Variants in LARP4 observed in about 807,000 individuals in gnomAD.
LARP4 encodes La ribonucleoprotein 4, also known as la-related protein 4.
LARP4 carries 29 observed loss-of-function variants against 92.9 expected under a neutral mutation model. The ratio of observed to expected loss-of-function variants is 0.31; its 90% CI spans 0.23 to 0.43. The LOEUF is 0.43. LARP4 is among the 20% of genes least tolerant of loss of function. LARP4 has a pLI of 1.00. For synonymous variants in LARP4, 279 were observed against 284.1 expected (o/e 0.98, Z 0.18); for missense variants, 732 against 860.0 (o/e 0.85, Z 1.86).
intron 1 of LARP4, among the ~76,000 whole-genome samples, chr12:50,403,339 G>A (rs574671249): frequency 1.2e-3 from 176 of 152,174 alleles, no homozygotes; most frequent in Non-Finnish European, 2.2e-3. Flanking sequence ...TTCTTTAAAT[G>A]TTAATGGCAG....
chr12:50,463,418 TCCAAAAAA>T lies in LARP4; in HGVS notation c.1383+789_1383+796del, dbSNP rs1460668668. Among the ~76,000 whole-genome samples, 98 of 32,218 alleles carry T rather than the reference TCCAAAAAA, an allele frequency of 3.0e-3. 2 individuals carry two copies. Among genetic ancestry groups the T allele is most frequent in the South Asian group, 0.027 (19 of 706 alleles). The allele number at this position is 32,218 out of a possible 152,430, so 21.1% of individuals were successfully genotyped here. ...GGGCAAGGTGATGAAACCCCATCTC[TCCAAAAAA>T]AAAAAAAAAAAAAAAAAAAAAATTA... On this transcript the variant is annotated intron_variant, in intron 12 of 15. Coordinates refer to ENST00000398473, the MANE Select transcript of LARP4 (RefSeq NM_052879.5).
In LARP4 at chr12:50,437,852, A is replaced by C. The variant is rs764777918; in HGVS notation, c.639+14A>C. 2.8e-6 allele frequency: 4 copies of C among 1,411,486 alleles called. No homozygotes were observed. In the South Asian group the frequency reaches 4.7e-5, roughly 17 times the overall value. 87.4% of individuals were successfully genotyped at this position (1,411,486 alleles called of 1,614,324 possible). Reference sequence around the variant, plus strand: ...ACACCAATAGAGGTAAATTATTAATAATTGTTAACACTAAATGTTCTCTGT... The same window carrying C: ...ACACCAATAGAGGTAAATTATTAATCATTGTTAACACTAAATGTTCTCTGT... On this transcript the variant is annotated intron_variant, in intron 6 of 15. Transcript: ENST00000398473.
chr12:50,416,460 G>C (rs1298646202), intron 1 of LARP4: 1 of 152,180 alleles, frequency 6.6e-6, no homozygotes, highest in Admixed American at 6.6e-5. Flanking sequence ...AAGCTTGTGA[G>C]TTTGAGACCA....
At chr12:50,441,672 G>C (rs753641738) in intron 8 of LARP4, 29 bp downstream of exon 8, 1 of 1,522,848 alleles carries the variant, frequency 6.6e-7, no homozygotes, top group Admixed American at 1.9e-5. Flanking sequence ...TGTGAAACCA[G>C]AACAGGTTTT....
intron 5 of LARP4, among the ~76,000 whole-genome samples, chr12:50,435,980 T>C (rs1468510056): frequency 1.5e-5 from 1 of 68,696 alleles, no homozygotes; most frequent in Non-Finnish European, 4.0e-5. Flanking sequence ...GGTCTTGGTA[T>C]GTTCCCCAGG....
At chr12:50,451,759 C>T (rs1452570423) in intron 8 of LARP4, among the ~76,000 whole-genome samples, 4 of 152,120 alleles carry the variant, frequency 2.6e-5, no homozygotes, top group Non-Finnish European at 5.9e-5. Context: ...ATTGCTAGAA[C>T]CTAGGAGGTG....
chr12:50,422,255 G>GC (rs1477384653), intron 1 of LARP4, among the ~76,000 whole-genome samples: 1 of 152,076 alleles, frequency 6.6e-6, no homozygotes, highest in African/African-American at 2.4e-5. Context: ...TTGAGCCACT[G>GC]CCCCCGACCT....
intron 13 of LARP4, among the ~76,000 whole-genome samples, chr12:50,470,373 A>G (rs1282324158): frequency 2.6e-5 from 4 of 151,996 alleles, no homozygotes; most frequent in African/African-American, 4.8e-5. Context: ...TCAACAAATA[A>G]TGGCATCTCA....
At chr12:50,474,446 C>G (rs1957325062) in intron 15 of LARP4, among the ~76,000 whole-genome samples, 1 of 152,092 alleles carries the variant, frequency 6.6e-6, no homozygotes, top group South Asian at 2.1e-4. Context: ...CTCCCGGGTT[C>G]ACGCCATTCT....
At position 50,461,199 on chromosome 12, in the gene LARP4, G is replaced by A; in HGVS notation, c.1186G>A (p.Gly396Arg). 2 of 1,614,054 alleles carry A rather than the reference G, an allele frequency of 1.2e-6. No homozygotes were observed. The highest frequency in any genetic ancestry group is 2.2e-5 in the South Asian group (2 of 91,084). ...CTCAACAGAGGGCTCTGTATCCTTG[G>A]GGGATGGACAGTTGAACAGATATAG... is the stretch of plus-strand genomic sequence containing the variant. ...EHSTEGSVSL[G>R]DGQLNRYSSR... Residue 396 changes from glycine to arginine, a missense_variant, in exon 11 of 16, where the codon GGG becomes AGG. Coordinates refer to ENST00000398473, the MANE Select transcript of LARP4 (RefSeq NM_052879.5).
At chr12:50,414,099 G>A (rs1201425737) in intron 1 of LARP4, among the ~76,000 whole-genome samples, 2 of 152,100 alleles carry the variant, frequency 1.3e-5, no homozygotes, top group Non-Finnish European at 1.5e-5. Context: ...ATAAATTATA[G>A]CAATGAACTG....
chr12:50,464,739 G>A (rs1453791803), intron 12 of LARP4, among the ~76,000 whole-genome samples: 1 of 151,190 alleles, frequency 6.6e-6, no homozygotes, highest in East Asian at 2.0e-4. Flanking sequence ...TGTCCACGTT[G>A]GAGTGCAGTG....
chr12:50,406,164 C>T (rs907163071), intron 1 of LARP4, among the ~76,000 whole-genome samples: 8 of 152,094 alleles, frequency 5.3e-5, no homozygotes, highest in Admixed American at 5.2e-4. Context: ...TTTAATAACT[C>T]TTAAATAATT....
At chr12:50,426,972 A>G (rs1592965661) in intron 1 of LARP4, among the ~76,000 whole-genome samples, 1 of 151,992 alleles carries the variant, frequency 6.6e-6, no homozygotes, top group Non-Finnish European at 1.5e-5. Context: ...TCATGAGCTC[A>G]AGTGATCCGC....
In LARP4 at chr12:50,476,038, T is replaced by A; in HGVS notation, c.*174T>A. 1 of 501,328 alleles carries A rather than the reference T, an allele frequency of 2.0e-6. No individual in the cohort carries two copies. The allele number at this position is 501,328 out of a possible 1,614,324, so 31.1% of individuals were successfully genotyped here. A position where few individuals can be genotyped will look rare whatever the true frequency, so the allele number is the denominator to read the frequency against. ...ATAGGATCCCAAAATTCATCTCTAATGTGGTTTTTAAATGCTGGAGGATTC... is the reference window on the plus strand; with the variant it reads ...ATAGGATCCCAAAATTCATCTCTAAAGTGGTTTTTAAATGCTGGAGGATTC... On this transcript the variant is annotated 3_prime_UTR_variant, in exon 16 of 16. Transcript: ENST00000398473.
rs539690287 is a variant in LARP4, at chr12:50,453,784, CTTTAT to C, written c.1017+126_1017+130del. ...ATGTTGACATTGATGACTTTTTGGC[CTTTAT>C]TTTATTTTATTTTTTGTATTTTTCG... On this transcript the variant is annotated intron_variant, in intron 9 of 15. Coordinates refer to ENST00000398473, the MANE Select transcript of LARP4 (RefSeq NM_052879.5). The C allele has an allele frequency of 9.3e-5, 62 of 666,820 alleles. 2 individuals carry two copies. In the South Asian group the frequency reaches 1.6e-3, roughly 17 times the overall value. The allele number at this position is 666,820 out of a possible 1,614,324, so 41.3% of individuals were successfully genotyped here.
Position 50,430,148 on chromosome 12 carries a change from A to G in LARP4, c.323-347A>G, listed in dbSNP as rs549433747. On this transcript the variant is annotated intron_variant, in intron 3 of 15. Coordinates refer to ENST00000398473, the MANE Select transcript of LARP4 (RefSeq NM_052879.5). ...CAAGGTAGGAGGATTGCTTGAGCCC[A>G]GGAGTTTGAGAACAGTCTGGGCAAC... 1.4e-4 allele frequency among the ~76,000 whole-genome samples: 9 copies of G among 62,082 alleles called. No homozygotes were observed. In the South Asian group the frequency reaches 4.0e-3, roughly 28 times the overall value. 40.7% of individuals were successfully genotyped at this position (62,082 alleles called of 152,430 possible).
chr12:50,441,728 A>G (rs1951234368), intron 8 of LARP4, 85 bp downstream of exon 8: 1 of 1,101,900 alleles, frequency 9.1e-7, no homozygotes, highest in Non-Finnish European at 1.3e-6. Flanking sequence ...ATAATATTTT[A>G]TAAAAACCCA....
intron 8 of LARP4, among the ~76,000 whole-genome samples, chr12:50,452,768 TG>T (rs1415784388): frequency 1.3e-5 from 2 of 152,238 alleles, no homozygotes; most frequent in Admixed American, 1.3e-4. Flanking sequence ...TGCCTTTTTT[TG>T]TTCTGTGAAC....
Sources: allele counts gnomAD v4.1 joint callset (sites outside exome capture counted in the v4.1 genomes callset), GRCh38; gene constraint gnomAD v4.1.1; transcripts MANE v1.5; gene names NCBI Gene and HGNC (gene_info 2026-07-23, HGNC 2026-07-21).